The following LRP1 variants were observed in gnomAD, a reference collection of about 807,000 sequenced individuals.
LRP1 encodes the protein prolow-density lipoprotein receptor-related protein 1.
A neutral mutation model predicts 541.5 loss-of-function variants in LRP1; 51 were observed. That is an observed-to-expected ratio of 0.09 (90% CI 0.08 to 0.12). The LOEUF is 0.12. LRP1 is among the 10% of genes least tolerant of loss of function. LRP1 has a pLI of 1.00. For missense variants in LRP1, 3,878 were observed against 6,376.2 expected (o/e 0.61, Z 13.34); for synonymous variants, 2,219 against 2,470.8 (o/e 0.90, Z 3.02).
chr12:57,176,911 T>G lies in LRP1; in HGVS notation c.3992-130T>G, dbSNP rs117404895. 183 of 724,056 alleles carry G rather than the reference T, an allele frequency of 2.5e-4. No homozygotes were observed. In the East Asian group the frequency reaches 4.7e-3, roughly 19 times the overall value. 44.9% of individuals were successfully genotyped at this position (724,056 alleles called of 1,614,324 possible). A position where few individuals can be genotyped will look rare whatever the true frequency, so the allele number is the denominator to read the frequency against. On this transcript the variant is annotated intron_variant, in intron 24 of 88. Coordinates refer to ENST00000243077, the MANE Select transcript of LRP1 (RefSeq NM_002332.3). ...AGACAATAGGAGTCCTACTCTTGAA[T>G]ATGGGCACATCAGAAACTTTGGCAG...
chr12:57,193,161 C>T lies in LRP1; in HGVS notation c.7556-15C>T. On this transcript the variant is annotated splice_polypyrimidine_tract_variant and intron_variant, in intron 45 of 88. Coordinates refer to ENST00000243077, the MANE Select transcript of LRP1 (RefSeq NM_002332.3). ...CAGCGCTGGCTCAGAAAGCTCCCTCCACCTCCCTCCCCAGCGGTGAATTCC... is the reference window on the plus strand; with the variant it reads ...CAGCGCTGGCTCAGAAAGCTCCCTCTACCTCCCTCCCCAGCGGTGAATTCC... The T allele has an allele frequency of 6.2e-7, 1 of 1,613,214 alleles. No homozygotes were observed. The highest frequency in any genetic ancestry group is 8.5e-7 in the Non-Finnish European group (1 of 1,179,504).
Position 57,210,291 on chromosome 12 carries a change from C to G in LRP1, c.12581-16C>G. The G allele has an allele frequency of 1.9e-6, 3 of 1,548,744 alleles. No homozygotes were observed. The highest frequency in any genetic ancestry group is 1.7e-6 in the Non-Finnish European group (2 of 1,143,744). Reference sequence around the variant, plus strand: ...CTATTCCCCTGGCTCTGCCCCTTGACGGGCCCTTCCTGCAGCTCCCCGGCC... The same window carrying G: ...CTATTCCCCTGGCTCTGCCCCTTGAGGGGCCCTTCCTGCAGCTCCCCGGCC... On this transcript the variant is annotated splice_polypyrimidine_tract_variant and intron_variant, in intron 81 of 88. Coordinates refer to ENST00000243077, the MANE Select transcript of LRP1 (RefSeq NM_002332.3).
rs528461213 is a variant in LRP1, at chr12:57,201,727, C to T, written c.10469-53C>T. On this transcript the variant is annotated intron_variant, in intron 66 of 88. Transcript: ENST00000243077. The surrounding 1 kb of genome is among the most constrained non-coding windows in gnomAD (Gnocchi z 6.4). ...TGCTCCCTCACTCTCCCCACCCTCC[C>T]GGCACACTCCTGGAAGGAGTCTCAT... The T allele has an allele frequency of 2.9e-5, 47 of 1,602,746 alleles. No individual in the cohort carries two copies. In the Admixed American group the frequency reaches 3.5e-4, roughly 12 times the overall value.
Position 57,156,880 on chromosome 12 carries a change from T to C in LRP1, c.1521T>C (p.Arg507=), listed in dbSNP as rs1382130087. 1.3e-6 allele frequency: 2 copies of C among 1,595,778 alleles called. No individual in the cohort carries two copies. Among genetic ancestry groups the C allele is most frequent in the East Asian group, 4.5e-5 (2 of 44,592 alleles). ...NSHKARTCRC[R]SGFSLGSDGK... ...ACAAGGCGCGGACCTGCCGCTGCCG[T>C]TCCGGCTTCAGCCTGGGCAGTGACG... Residue 507 remains arginine, a synonymous_variant, in exon 10 of 89, where the codon CGT becomes CGC. Coordinates refer to ENST00000243077, the MANE Select transcript of LRP1 (RefSeq NM_002332.3). The surrounding 1 kb of genome is among the most constrained non-coding windows in gnomAD (Gnocchi z 5.2).
In LRP1 at chr12:57,156,357, C is replaced by T; in HGVS notation, c.1417+74C>T. 1.4e-6 allele frequency: 2 copies of T among 1,431,198 alleles called. No individual in the cohort carries two copies. The highest frequency in any genetic ancestry group is 1.3e-5 in the South Asian group (1 of 77,650). The allele number at this position is 1,431,198 out of a possible 1,614,324, so 88.7% of individuals were successfully genotyped here. ...GCTCTGGGACCTTGGGATCACAGCC[C>T]CTCTCTGGGCCCTCCTGTGGGGACC... On this transcript the variant is annotated intron_variant, in intron 9 of 88. Coordinates refer to ENST00000243077, the MANE Select transcript of LRP1 (RefSeq NM_002332.3). This position sits in a 1 kb window ranked among gnomAD's most constrained non-coding sequence, Gnocchi z 5.2.
At chr12:57,141,062 G>A (rs1324613177) in intron 2 of LRP1, among the ~76,000 whole-genome samples, 2 of 152,236 alleles carry the variant, frequency 1.3e-5, no homozygotes, top group Non-Finnish European at 2.9e-5. Context: ...GACCTCAGTC[G>A]TCATCAAAAA....
intron 42 of LRP1, 89 bp from the exon 43 acceptor site, chr12:57,190,709 GGCTTCCA>G: frequency 8.6e-7 from 1 of 1,169,564 alleles, no homozygotes; most frequent in East Asian, 2.5e-5. Flanking sequence ...TGCCCTGGCA[GGCTTCCA>G]GGTTCCAGGT....
Position 57,205,114 on chromosome 12 carries a change from C to T in LRP1, c.11200C>T (p.Pro3734Ser), listed in dbSNP as rs1431941441. The change falls in exon 73 of 89, where the codon CCC (proline) becomes TCC (serine). Residue 3734 changes from proline (P) to serine (S), a missense_variant. Physicochemically the swap from Pro to Ser is moderately conservative, Grantham distance 74. Transcript: ENST00000243077. This position sits in a 1 kb window ranked among gnomAD's most constrained non-coding sequence, Gnocchi z 4.6. Reference sequence around the variant, plus strand: ...AAAGCCTCTGCCCTCCTCAGAGCCCCCCACAGCCCACACCACCCACTGCAA... The same window carrying T: ...AAAGCCTCTGCCCTCCTCAGAGCCCTCCACAGCCCACACCACCCACTGCAA... Reference protein sequence around the residue: ...DGTDEEDCEPPTAHTTHCKDK... With the variant: ...DGTDEEDCEPSTAHTTHCKDK... 2 of 1,613,256 alleles carry T rather than the reference C, an allele frequency of 1.2e-6. No individual in the cohort carries two copies. The highest frequency in any genetic ancestry group is 3.3e-5 in the Admixed American group (2 of 59,966).
chr12:57,175,446 T>C lies in LRP1; in HGVS notation c.3548-14T>C, dbSNP rs776897390. ...TCTGACCCTGGGTCTGTTCCATGCC[T>C]GCCCCTCCCCTAGACCAGTGCTCTC... On this transcript the variant is annotated splice_polypyrimidine_tract_variant and intron_variant, in intron 22 of 88. Transcript: ENST00000243077. The C allele has an allele frequency of 1.8e-5, 29 of 1,611,814 alleles. No homozygotes were observed. The highest frequency in any genetic ancestry group is 2.5e-5 in the Non-Finnish European group (29 of 1,180,006).
At chr12:57,144,826 T>C (rs2035366758) in intron 4 of LRP1, 146 bp from the exon 5 acceptor site, 1 of 790,116 alleles carries the variant, frequency 1.3e-6, no homozygotes, top group Admixed American at 2.0e-5. Context: ...GTGTTAAGGT[T>C]TGCACATTTC....
At chr12:57,207,953 G>A (rs2036821225) in intron 76 of LRP1, 85 bp from the exon 77 acceptor site, 75 of 1,482,510 alleles carry the variant, frequency 5.1e-5, no homozygotes, top group Non-Finnish European at 6.5e-5. Flanking sequence ...CTGGGGTGAC[G>A]TTCCAGCAGG....
chr12:57,209,501 C>G (rs2036861200), intron 79 of LRP1, among the ~76,000 whole-genome samples, 191 bp from the exon 80 acceptor site: 1 of 152,206 alleles, frequency 6.6e-6, no homozygotes, highest in African/African-American at 2.4e-5. Context: ...TGACTGACCC[C>G]AGAAGTCTGG....
intron 41 of LRP1, among the ~76,000 whole-genome samples, chr12:57,186,739 A>G (rs4074309): frequency 0.57 from 86,771 of 152,120 alleles, 26,431 homozygotes; most frequent in South Asian, 0.76. Flanking sequence ...CTGTCTGCAG[A>G]CCATACCACA....
At chr12:57,168,702 G>A (rs1592626892) in intron 19 of LRP1, among the ~76,000 whole-genome samples, 1 of 152,162 alleles carries the variant, frequency 6.6e-6, no homozygotes, top group East Asian at 1.9e-4. Flanking sequence ...CAGGCACCCA[G>A]AGCATGGTAT....
chr12:57,180,611 C>T, intron 32 of LRP1, 56 bp from the exon 33 acceptor site: 1 of 1,610,758 alleles, frequency 6.2e-7, no homozygotes, highest in Non-Finnish European at 8.5e-7. Context: ...ATGGGCCCTT[C>T]AGGAGAGCTG....
chr12:57,204,697 C>G lies in LRP1; in HGVS notation c.11142C>G (p.Arg3714=). 1 of 1,613,996 alleles carries G rather than the reference C, an allele frequency of 6.2e-7. No homozygotes were observed. Among genetic ancestry groups the G allele is most frequent in the Non-Finnish European group, 8.5e-7 (1 of 1,180,016 alleles). ...KNDRVCLWIG[R]QCDGTDNCGD... The stretch of plus-strand genomic sequence containing the variant: ...ACCGCGTCTGTCTGTGGATCGGGCG[C>G]CAATGCGATGGCACGGACAACTGTG... Residue 3714 remains arginine (R), a synonymous_variant, in exon 72 of 89, where the codon CGC becomes CGG. Transcript: ENST00000243077. This position sits in a 1 kb window ranked among gnomAD's most constrained non-coding sequence, Gnocchi z 5.3.
At position 57,184,461 on chromosome 12, in the gene LRP1, G is replaced by A. The variant is rs748919231; in HGVS notation, c.6186+9G>A. 6.2e-6 allele frequency: 10 copies of A among 1,614,126 alleles called. No individual in the cohort carries two copies. The highest frequency in any genetic ancestry group is 4.4e-5 in the South Asian group (4 of 91,084). On this transcript the variant is annotated intron_variant, in intron 38 of 88. Coordinates refer to ENST00000243077, the MANE Select transcript of LRP1 (RefSeq NM_002332.3). This position sits in a 1 kb window ranked among gnomAD's most constrained non-coding sequence, Gnocchi z 7.8. ...TCTCAGTGGACTACCAGGTTCGCAC[G>A]CCAACTTGGCCTTGGATCCGATGGT... is the stretch of plus-strand genomic sequence containing the variant.
Position 57,158,983 on chromosome 12 carries a change from G to T in LRP1, c.1798+345G>T, listed in dbSNP as rs1424572163. ...AGACAGGCCTGCCAGATCAAAACAG[G>T]GCACACCCACATGTATGTGCGCACA... On this transcript the variant is annotated intron_variant, in intron 11 of 88. Transcript: ENST00000243077. This position sits in a 1 kb window ranked among gnomAD's most constrained non-coding sequence, Gnocchi z 5.3. 6.6e-6 allele frequency among the ~76,000 whole-genome samples: 1 copy of T among 152,144 alleles called. No individual in the cohort carries two copies. The highest frequency in any genetic ancestry group is 2.4e-5 in the African/African-American group (1 of 41,416).
Position 57,184,009 on chromosome 12 carries a change from G to C in LRP1, c.5930-76G>C. 1 of 1,601,196 alleles carries C rather than the reference G, an allele frequency of 6.2e-7. No homozygotes were observed. Among genetic ancestry groups the C allele is most frequent in the Admixed American group, 1.7e-5 (1 of 59,480 alleles). The stretch of plus-strand genomic sequence containing the variant: ...GGGAGCAGGAAGAGGAGCTGTAGGG[G>C]TGCCTGGGAGCTTGGAGACACCAGG... On this transcript the variant is annotated intron_variant, in intron 36 of 88. Coordinates refer to ENST00000243077, the MANE Select transcript of LRP1 (RefSeq NM_002332.3). The surrounding 1 kb of genome is among the most constrained non-coding windows in gnomAD (Gnocchi z 7.8).
Sources: allele counts gnomAD v4.1 joint callset (sites outside exome capture counted in the v4.1 genomes callset), GRCh38; gene constraint gnomAD v4.1.1; non-coding constraint Gnocchi (gnomAD v3.1); transcripts MANE v1.5; gene names NCBI Gene and HGNC (gene_info 2026-07-23, HGNC 2026-07-21).